The following IMMP1L variants were observed in gnomAD, a reference collection of about 807,000 sequenced individuals.
IMMP1L encodes the protein inner mitochondrial membrane peptidase subunit 1, also known as mitochondrial inner membrane protease subunit 1.
In IMMP1L, 24 loss-of-function variants were observed where a neutral mutation model predicts 21.8. That is an observed-to-expected ratio of 1.10 (90% CI 0.80 to 1.55). The LOEUF (loss-of-function observed/expected upper bound fraction) is 1.55. IMMP1L is among the 40% of genes most tolerant of loss of function. The probability of loss-of-function intolerance (pLI) is 0.00; values close to 1 mark genes in which losing one functional copy is unlikely to be tolerated. For synonymous variants in IMMP1L, 46 were observed against 62.8 expected (o/e 0.73, Z 1.26); for missense variants, 195 against 200.7 (o/e 0.97, Z 0.17).
At chr11:31,486,010 T>A (rs1455807609) in intron 1 of IMMP1L, among the ~76,000 whole-genome samples, 3 of 151,524 alleles carry the variant, frequency 2.0e-5, no homozygotes, top group African/African-American at 7.2e-5. Context: ...TGAACTGTGA[T>A]AAAGTGCAAT....
At chr11:31,470,269 C>T (rs1481549181) in intron 1 of IMMP1L, among the ~76,000 whole-genome samples, 4 of 151,872 alleles carry the variant, frequency 2.6e-5, no homozygotes, top group African/African-American at 4.8e-5. Context: ...CAAAATTAGC[C>T]AGGTGTGGCA....
chr11:31,451,452 T>G (rs1564975156), intron 4 of IMMP1L, among the ~76,000 whole-genome samples: 1 of 152,184 alleles, frequency 6.6e-6, no homozygotes. Context: ...TTGATTCTGA[T>G]TATATATAGA....
intron 1 of IMMP1L, among the ~76,000 whole-genome samples, chr11:31,501,656 T>C (rs1955620754): frequency 6.6e-6 from 1 of 152,060 alleles, no homozygotes; most frequent in South Asian, 2.1e-4. Flanking sequence ...TTAGGGGTTT[T>C]AGAAATGAAA....
chr11:31,467,113 T>C (rs1954383599), intron 1 of IMMP1L, among the ~76,000 whole-genome samples: 1 of 152,178 alleles, frequency 6.6e-6, no homozygotes. Context: ...TTGGTTGTAG[T>C]ATTTTATGTA....
intron 1 of IMMP1L, among the ~76,000 whole-genome samples, chr11:31,504,647 C>T (rs1955726309): frequency 1.3e-5 from 2 of 152,186 alleles, no homozygotes; most frequent in Admixed American, 6.5e-5. Context: ...CTATCCAAAT[C>T]CCTTCTAACA....
At chr11:31,459,645 C>T (rs757478401) in intron 3 of IMMP1L, among the ~76,000 whole-genome samples, 2 of 151,802 alleles carry the variant, frequency 1.3e-5, no homozygotes, top group African/African-American at 4.8e-5. Context: ...GCTCTGTCAC[C>T]CAGGCTGGAG....
intron 4 of IMMP1L, among the ~76,000 whole-genome samples, chr11:31,453,615 G>A (rs973496992): frequency 6.6e-6 from 1 of 152,104 alleles, no homozygotes; most frequent in Admixed American, 6.6e-5. Context: ...CTCCAAACTT[G>A]GATGAAATTT....
chr11:31,434,602 T>A (rs947664664), intron 4 of IMMP1L, among the ~76,000 whole-genome samples: 4 of 152,172 alleles, frequency 2.6e-5, no homozygotes, highest in African/African-American at 7.2e-5. Context: ...AATGCAACTT[T>A]TTTTTTTAAT....
Position 31,461,484 on chromosome 11 carries a change from G to A in IMMP1L, c.106-770C>T, listed in dbSNP as rs565350095. Among the ~76,000 whole-genome samples, 4 of 152,262 alleles carry A rather than the reference G, an allele frequency of 2.6e-5. No individual in the cohort carries two copies. In the South Asian group the frequency reaches 6.2e-4, roughly 24 times the overall value. On this transcript the variant is annotated intron_variant, in intron 2 of 5. Transcript: ENST00000532287. ...TAATCTTGATATATACAGGTTGAGT[G>A]TCCCTAATAAAAAATCTGAAGTCTT...
intron 1 of IMMP1L, among the ~76,000 whole-genome samples, chr11:31,493,510 G>A (rs531642410): frequency 9.2e-5 from 14 of 152,172 alleles, no homozygotes; most frequent in South Asian, 6.2e-4. Context: ...GGGTGGGGGC[G>A]TAATCAAACC....
chr11:31,497,604 G>A (rs1448116512), intron 1 of IMMP1L, among the ~76,000 whole-genome samples: 1 of 152,062 alleles, frequency 6.6e-6, no homozygotes, highest in Non-Finnish European at 1.5e-5. Flanking sequence ...TGGGACTAGA[G>A]GCACGCGCTA....
intron 1 of IMMP1L, among the ~76,000 whole-genome samples, chr11:31,496,756 T>C (rs1401464454): frequency 6.7e-6 from 1 of 148,710 alleles, no homozygotes; most frequent in Non-Finnish European, 1.5e-5. Flanking sequence ...ATAATTTACA[T>C]ATGTAATCTG....
intron 1 of IMMP1L, chr11:31,477,660 G>C (rs954343857): frequency 9.7e-6 from 3 of 310,070 alleles, no homozygotes; most frequent in Admixed American, 6.5e-5. Flanking sequence ...AGGTGTTACC[G>C]ATAATCCCAT....
At chr11:31,441,325 CTT>C (rs755909397) in intron 4 of IMMP1L, among the ~76,000 whole-genome samples, 23 of 118,422 alleles carry the variant, frequency 1.9e-4, no homozygotes, top group Non-Finnish European at 2.6e-4. Flanking sequence ...CAGGGTTGGG[CTT>C]TTTTTTTTTT....
chr11:31,502,465 T>C (rs1955650353), intron 1 of IMMP1L, among the ~76,000 whole-genome samples: 1 of 152,214 alleles, frequency 6.6e-6, no homozygotes, highest in African/African-American at 2.4e-5. Context: ...ACTCTAACAC[T>C]ACCCATTGGT....
chr11:31,452,936 G>T, intron 4 of IMMP1L: 1 of 678,854 alleles, frequency 1.5e-6, no homozygotes, highest in Non-Finnish European at 2.1e-6. Context: ...ATTTTTAGCA[G>T]AGACAGGGTT....
At chr11:31,471,362 G>A (rs1476177098) in intron 1 of IMMP1L, among the ~76,000 whole-genome samples, 5 of 152,074 alleles carry the variant, frequency 3.3e-5, no homozygotes, top group Non-Finnish European at 4.4e-5. Context: ...CCTGACCTCC[G>A]TGTATGGCCT....
chr11:31,461,482 G>A (rs989243419), intron 2 of IMMP1L, among the ~76,000 whole-genome samples: 1 of 152,138 alleles, frequency 6.6e-6, no homozygotes, highest in Non-Finnish European at 1.5e-5. Context: ...TACAGGTTGA[G>A]TGTCCCTAAT....
intron 3 of IMMP1L, among the ~76,000 whole-genome samples, chr11:31,457,405 G>A (rs566548830): frequency 6.6e-6 from 1 of 152,240 alleles, no homozygotes; most frequent in South Asian, 2.1e-4. Context: ...TACTCTTTCT[G>A]CATAAAACGA....
Sources: allele counts gnomAD v4.1 joint callset (sites outside exome capture counted in the v4.1 genomes callset), GRCh38; gene constraint gnomAD v4.1.1; transcripts MANE v1.5; gene names NCBI Gene and HGNC (gene_info 2026-07-23, HGNC 2026-07-21).